The following CCR3 variants were observed in gnomAD, a reference collection of about 807,000 sequenced individuals.
CCR3 encodes C-C chemokine receptor type 3.
For synonymous variants in CCR3, 203 were observed against 179.2 expected (o/e 1.13, Z -1.06); for missense variants, 419 against 437.5 (o/e 0.96, Z 0.38).
chr3:46,261,854 G>T (rs531881843), intron 1 of CCR3, among the ~76,000 whole-genome samples: 5 of 152,346 alleles, frequency 3.3e-5, no homozygotes, highest in African/African-American at 1.2e-4. Flanking sequence ...CCAGGGCCCT[G>T]GTGGAGGCGT....
intron 2 of CCR3, among the ~76,000 whole-genome samples, chr3:46,212,310 G>C (rs1699723836): frequency 6.6e-6 from 1 of 152,166 alleles, no homozygotes; most frequent in Admixed American, 6.5e-5. Flanking sequence ...GGGGCACACT[G>C]TCTGCATGAC....
intron 1 of CCR3, chr3:46,263,268 G>C (rs903138156): frequency 1.3e-5 from 2 of 153,424 alleles, no homozygotes; most frequent in African/African-American, 4.8e-5. Context: ...GTGAATACAG[G>C]CTACTATACC....
chr3:46,216,723 T>G (rs1342117537), intron 2 of CCR3, among the ~76,000 whole-genome samples: 2 of 152,154 alleles, frequency 1.3e-5, no homozygotes, highest in Admixed American at 6.5e-5. Flanking sequence ...AAAATAATTA[T>G]CACCCTAGAG....
chr3:46,236,195 G>A (rs368551934), intron 2 of CCR3, among the ~76,000 whole-genome samples: 19 of 152,204 alleles, frequency 1.2e-4, no homozygotes, highest in African/African-American at 4.3e-4. Flanking sequence ...CATGCAGTTC[G>A]TGGCTTTTAT....
intron 2 of CCR3, among the ~76,000 whole-genome samples, chr3:46,221,029 G>T (rs924587437): frequency 6.6e-5 from 10 of 152,150 alleles, no homozygotes; most frequent in African/African-American, 2.2e-4. Flanking sequence ...TGCACATGAA[G>T]AATTTAGCAA....
At chr3:46,240,145 T>G (rs573480227), upstream of CCR3, among the ~76,000 whole-genome samples, 1 of 152,020 alleles carries the variant, frequency 6.6e-6, no homozygotes, top group East Asian at 1.9e-4. Flanking sequence ...GTGAAAGGAG[T>G]GGAAGCCAGA....
intron 2 of CCR3, among the ~76,000 whole-genome samples, chr3:46,224,734 C>CAAA (rs901561258): frequency 0.012 from 585 of 47,412 alleles, 19 homozygotes; most frequent in African/African-American, 0.039. Flanking sequence ...AAGACTCTGT[C>CAAA]AAAAAAAAAA....
upstream of CCR3, among the ~76,000 whole-genome samples, chr3:46,239,627 A>C (rs1419912738): frequency 6.6e-6 from 1 of 152,028 alleles, no homozygotes; most frequent in Non-Finnish European, 1.5e-5. Flanking sequence ...TGGAATTTCC[A>C]CTCCACCATT....
intron 2 of CCR3, among the ~76,000 whole-genome samples, chr3:46,214,824 G>A (rs1699755346): frequency 6.6e-6 from 1 of 152,146 alleles, no homozygotes; most frequent in Admixed American, 6.5e-5. Flanking sequence ...GAAGTGCTTA[G>A]CAGAAAGCAG....
rs571504328 is a variant in CCR3 at position 46,249,176 on chromosome 3, A to G, written c.-12+6638A>G. ...GGTTAAGGTGGGGGAATACAAGAAG[A>G]GGACGCAAAGGAGGCTTTGGATTGG... On this transcript the variant is annotated intron_variant, in intron 1 of 1. Coordinates refer to ENST00000395940, the MANE Select transcript of CCR3 (RefSeq NM_178329.3). Among the ~76,000 whole-genome samples, 10 of 152,214 alleles carry G rather than the reference A, an allele frequency of 6.6e-5. No homozygotes were observed. The East Asian group carries it at 1.9e-3, about 29-fold the overall frequency.
chr3:46,256,305 T>C (rs1192328329), intron 1 of CCR3, among the ~76,000 whole-genome samples: 5 of 152,136 alleles, frequency 3.3e-5, no homozygotes, highest in African/African-American at 9.7e-5. Flanking sequence ...GACTTCAGTC[T>C]TGGCTATGTG....
Position 46,266,118 on chromosome 3 carries a change from G to A in CCR3, c.960G>A (p.Leu320=). ...KYLRHFFHRH[L]LMHLGRYIPF... ...TGCGCCACTTCTTCCACAGGCACTT[G>A]CTCATGCACCTGGGCAGATACATCC... The change falls in exon 2 of 2, where the codon TTG becomes TTA. Residue 320 remains leucine (L), a synonymous_variant. Coordinates refer to ENST00000395940, the MANE Select transcript of CCR3 (RefSeq NM_178329.3). 6.2e-7 allele frequency: 1 copy of A among 1,614,052 alleles called. No homozygotes were observed. Among genetic ancestry groups the A allele is most frequent in the Non-Finnish European group, 8.5e-7 (1 of 1,179,982 alleles).
At chr3:46,218,778 T>C (rs1040549508) in intron 2 of CCR3, among the ~76,000 whole-genome samples, 3 of 152,102 alleles carry the variant, frequency 2.0e-5, no homozygotes, top group Non-Finnish European at 4.4e-5. Context: ...AAATCCAGTT[T>C]CCATTTATGA....
chr3:46,237,013 C>T (rs1448176625), intron 2 of CCR3, among the ~76,000 whole-genome samples: 1 of 152,190 alleles, frequency 6.6e-6, no homozygotes, highest in East Asian at 1.9e-4. Context: ...ACATAATGAC[C>T]TCCAGTTCCA....
At chr3:46,211,190 G>T (rs979831543) in intron 2 of CCR3, among the ~76,000 whole-genome samples, 1 of 147,126 alleles carries the variant, frequency 6.8e-6, no homozygotes, top group Non-Finnish European at 1.5e-5. Flanking sequence ...TGGGGCCTGA[G>T]AATTTACTTT....
chr3:46,252,169 CTTTTTTTT>C (rs58623050), intron 1 of CCR3, among the ~76,000 whole-genome samples: 1 of 86,846 alleles, frequency 1.2e-5, no homozygotes, highest in African/African-American at 4.3e-5. Context: ...TAGTTTCTGT[CTTTTTTTT>C]TTTTTTTTTT....
intron 1 of CCR3, among the ~76,000 whole-genome samples, chr3:46,254,905 T>C (rs1700388338): frequency 6.6e-6 from 1 of 152,202 alleles, no homozygotes; most frequent in African/African-American, 2.4e-5. Flanking sequence ...TATTTTCCTC[T>C]GGGTAGATAC....
At position 46,266,364 on chromosome 3, in the gene CCR3, A is replaced by C; in HGVS notation, c.*138A>C. 1.6e-6 allele frequency: 1 copy of C among 627,202 alleles called. No homozygotes were observed. Among genetic ancestry groups the C allele is most frequent in the Non-Finnish European group, 2.9e-6 (1 of 348,258 alleles). The allele number at this position is 627,202 out of a possible 1,614,324, so 38.9% of individuals were successfully genotyped here. A position where few individuals can be genotyped will look rare whatever the true frequency, so the allele number is the denominator to read the frequency against. ...AGCTCTTGAAGACACTGAAATATAC[A>C]CACAGCAGTAGCAGTAGATGCATGT... On this transcript the variant is annotated 3_prime_UTR_variant, in exon 2 of 2. Transcript: ENST00000395940.
chr3:46,224,734 C>CAAAAA (rs901561258), intron 2 of CCR3, among the ~76,000 whole-genome samples: 2 of 47,468 alleles, frequency 4.2e-5, no homozygotes, highest in African/African-American at 1.5e-4. Flanking sequence ...AAGACTCTGT[C>CAAAAA]AAAAAAAAAA....
Sources: gnomAD v4.1 joint callset for allele counts (sites outside exome capture counted in the v4.1 genomes callset) on GRCh38, gnomAD v4.1.1 for gene constraint, MANE v1.5 for transcripts, NCBI Gene and HGNC (gene_info 2026-07-23, HGNC 2026-07-21) for gene names.